Variants in APBA1 observed in about 807,000 individuals in gnomAD.
APBA1 encodes amyloid beta precursor protein binding family A member 1.
A neutral mutation model predicts 86.6 loss-of-function variants in APBA1; 55 were observed. The ratio of observed to expected loss-of-function variants is 0.64; its 90% confidence interval spans 0.51 to 0.80. The LOEUF (loss-of-function observed/expected upper bound fraction) is 0.80, where lower values mean the gene tolerates loss of function less well. APBA1 is among the 30% of genes least tolerant of loss of function. The probability of loss-of-function intolerance (pLI) is 0.00; values close to 1 mark genes in which losing one functional copy is unlikely to be tolerated. For synonymous variants in APBA1, 511 were observed against 493.9 expected (o/e 1.03, Z -0.46); for missense variants, 1,090 against 1,183.0 (o/e 0.92, Z 1.15).
chr9:69,648,917 G>A (rs1312817584), intron 1 of APBA1, among the ~76,000 whole-genome samples: 9 of 151,970 alleles, frequency 5.9e-5, no homozygotes, highest in Admixed American at 5.9e-4. Context: ...TCCCTTTCAC[G>A]CTCCCAAACG....
At chr9:69,646,656 G>A (rs566907138) in intron 1 of APBA1, among the ~76,000 whole-genome samples, 3 of 152,278 alleles carry the variant, frequency 2.0e-5, no homozygotes, top group South Asian at 2.1e-4. Flanking sequence ...CTGCAGGTAA[G>A]TTACCAGGCA....
intron 1 of APBA1, among the ~76,000 whole-genome samples, chr9:69,666,427 C>T (rs1475328146): frequency 6.6e-6 from 1 of 151,956 alleles, no homozygotes; most frequent in African/African-American, 2.4e-5. Flanking sequence ...TGCTCTCTCT[C>T]TTTTATTCTT....
intron 5 of APBA1, among the ~76,000 whole-genome samples, chr9:69,466,168 A>AGTGG (rs1835276332): frequency 6.6e-6 from 1 of 152,166 alleles, no homozygotes; most frequent in African/African-American, 2.4e-5. Context: ...TGGTCAGATC[A>AGTGG]GTGGGTGACA....
chr9:69,483,151 AC>A (rs1462487261), intron 2 of APBA1, among the ~76,000 whole-genome samples: 8 of 147,376 alleles, frequency 5.4e-5, no homozygotes, highest in Non-Finnish European at 1.0e-4. Flanking sequence ...AAACAAAAAA[AC>A]GAAACAAAAA....
intron 1 of APBA1, among the ~76,000 whole-genome samples, chr9:69,656,884 G>A (rs1000432258): frequency 6.8e-6 from 1 of 147,830 alleles, no homozygotes; most frequent in African/African-American, 2.6e-5. Flanking sequence ...TGTCGCCCAG[G>A]CCGGACTGCG....
At chr9:69,469,781 T>TA (rs1253778031) in intron 4 of APBA1, among the ~76,000 whole-genome samples, 4 of 152,258 alleles carry the variant, frequency 2.6e-5, no homozygotes, top group African/African-American at 4.8e-5. Context: ...TCAGTTCTTC[T>TA]ATGATAAGTT....
intron 1 of APBA1, among the ~76,000 whole-genome samples, chr9:69,659,305 A>G (rs1237523043): frequency 6.6e-6 from 1 of 152,238 alleles, no homozygotes; most frequent in Non-Finnish European, 1.5e-5. Context: ...GAGAAGCAGG[A>G]GATGTGATAG....
At position 69,502,564 on chromosome 9, in the gene APBA1, AC is replaced by A. The variant is rs1835895243; in HGVS notation, c.1200+13446del. Among the ~76,000 whole-genome samples, 3 of 152,138 alleles carry A rather than the reference AC, an allele frequency of 2.0e-5. No individual in the cohort carries two copies. In the South Asian group the frequency reaches 6.2e-4, roughly 32 times the overall value. ...TTAGGTTCTCACAGTTCATAGAAAA[AC>A]GTCTCATTTTGTTGTTGTTATTGAC... is the stretch of plus-strand genomic sequence containing the variant. On this transcript the variant is annotated intron_variant, in intron 2 of 12. Transcript: ENST00000265381.
chr9:69,546,916 T>C (rs994984068), intron 1 of APBA1, among the ~76,000 whole-genome samples: 1 of 152,220 alleles, frequency 6.6e-6, no homozygotes, highest in Non-Finnish European at 1.5e-5. Flanking sequence ...TAAAATGAGA[T>C]CACATATGTG....
intron 1 of APBA1, among the ~76,000 whole-genome samples, chr9:69,597,885 AG>A (rs1187247166): frequency 6.6e-6 from 1 of 152,164 alleles, no homozygotes; most frequent in Non-Finnish European, 1.5e-5. Flanking sequence ...GCGATTCCTC[AG>A]GGATCTAGAA....
intron 9 of APBA1, among the ~76,000 whole-genome samples, chr9:69,451,709 G>A (rs964367340): frequency 2.6e-5 from 4 of 152,162 alleles, no homozygotes. Flanking sequence ...GAGAAGCACA[G>A]CACCTCTTGT....
intron 11 of APBA1, among the ~76,000 whole-genome samples, chr9:69,439,817 T>C (rs994745702): frequency 1.4e-4 from 22 of 152,122 alleles, no homozygotes; most frequent in African/African-American, 5.1e-4. Flanking sequence ...TTTGTTCCGT[T>C]GCTGGTAAGG....
intron 11 of APBA1, among the ~76,000 whole-genome samples, chr9:69,435,440 A>G (rs1444333236): frequency 6.6e-6 from 1 of 151,972 alleles, no homozygotes; most frequent in East Asian, 1.9e-4. Flanking sequence ...ATTTCTCCAC[A>G]TCCTCTCCAG....
intron 1 of APBA1, among the ~76,000 whole-genome samples, chr9:69,608,772 AT>A (rs1822525873): frequency 1.3e-5 from 2 of 152,178 alleles, no homozygotes; most frequent in African/African-American, 4.8e-5. Flanking sequence ...TTTTGGTCAC[AT>A]TCCTATCAAG....
intron 1 of APBA1, among the ~76,000 whole-genome samples, chr9:69,578,693 G>T (rs907619959): frequency 6.6e-6 from 1 of 152,238 alleles, no homozygotes; most frequent in African/African-American, 2.4e-5. Context: ...TTTTACAGGA[G>T]TGGGGAGCCC....
intron 1 of APBA1, among the ~76,000 whole-genome samples, chr9:69,558,462 A>G (rs1241747192): frequency 1.3e-5 from 2 of 151,484 alleles, no homozygotes; most frequent in Non-Finnish European, 2.9e-5. Flanking sequence ...TTGTTTTCCA[A>G]TTAACTGATA....
intron 1 of APBA1, among the ~76,000 whole-genome samples, chr9:69,586,539 A>AC (rs1822022877): frequency 6.6e-6 from 1 of 152,092 alleles, no homozygotes; most frequent in Non-Finnish European, 1.5e-5. Flanking sequence ...TTTAAAGCCA[A>AC]CCTCTTTGTG....
At chr9:69,626,504 T>C (rs1054017485) in intron 1 of APBA1, among the ~76,000 whole-genome samples, 1 of 152,162 alleles carries the variant, frequency 6.6e-6, no homozygotes, top group African/African-American at 2.4e-5. Context: ...AGTCACATAC[T>C]CATCGTGTGT....
At chr9:69,442,367 G>A (rs536231487) in intron 10 of APBA1, among the ~76,000 whole-genome samples, 45 of 152,282 alleles carry the variant, frequency 3.0e-4, no homozygotes, top group Admixed American at 7.8e-4. Context: ...ATAGCCCTCA[G>A]TGGGAAGCAC....
Sources: gnomAD v4.1 joint callset for allele counts (sites outside exome capture counted in the v4.1 genomes callset) on GRCh38, gnomAD v4.1.1 for gene constraint, MANE v1.5 for transcripts, NCBI Gene and HGNC (gene_info 2026-07-23, HGNC 2026-07-21) for gene names.